The following MAP3K15 variants were observed in gnomAD, a reference collection of about 807,000 sequenced individuals.
MAP3K15 encodes the protein MAPK/ERK kinase kinase 15.
Under a neutral mutation model 99.5 loss-of-function variants are expected in MAP3K15, and 124 were observed. The observed-to-expected ratio is 1.25, with a 90% CI of 1.08 to 1.45. The LOEUF (loss-of-function observed/expected upper bound fraction) is 1.45, where lower values mean the gene tolerates loss of function less well. Ranked by LOEUF, MAP3K15 falls within the 40% of genes most tolerant of loss-of-function variation. The pLI is 0.00. For synonymous variants in MAP3K15, 494 were observed against 439.6 expected, an observed-to-expected ratio of 1.12 and a Z score of -1.55; for missense variants, 1,242 against 1,079.7, an observed-to-expected ratio of 1.15 and a Z score of -2.11.
At chrX:19,424,779 TG>T (rs2063817068) in intron 9 of MAP3K15, among the ~76,000 whole-genome samples, 1 of 109,629 alleles carries the variant, frequency 9.1e-6, no homozygotes, top group African/African-American at 3.3e-5. Context: ...CCCGAGTAGC[TG>T]GGACCACAGG....
chrX:19,399,649 G>A (rs905156080), intron 14 of MAP3K15, among the ~76,000 whole-genome samples: 2 of 104,066 alleles, frequency 1.9e-5, no homozygotes, highest in Admixed American at 2.2e-4. Flanking sequence ...CAGGAGAATC[G>A]CTTGAACCCA....
intron 3 of MAP3K15, among the ~76,000 whole-genome samples, chrX:19,471,398 G>A (rs947193430): frequency 1.8e-5 from 2 of 110,238 alleles, no homozygotes; most frequent in African/African-American, 6.6e-5. Context: ...CTGTGTAGCT[G>A]GGATTAAGGC....
chrX:19,439,737 A>G (rs1285916501), intron 6 of MAP3K15, among the ~76,000 whole-genome samples: 1 of 112,168 alleles, frequency 8.9e-6, no homozygotes, highest in East Asian at 2.8e-4. Flanking sequence ...CCAAAGTACT[A>G]GGATTACAGG....
chrX:19,465,815 A>C lies in MAP3K15; in HGVS notation c.526-1409T>G, dbSNP rs185231556. Among the ~76,000 whole-genome samples, 478 of 85,485 alleles carry C rather than the reference A, an allele frequency of 5.6e-3. 8 individuals carry two copies. The highest frequency in any genetic ancestry group is 0.022 in the African/African-American group (455 of 21,139). The allele number at this position is 85,485 out of a possible 115,157, so 74.2% of individuals were successfully genotyped here. A position where few individuals can be genotyped will look rare whatever the true frequency, so the allele number is the denominator to read the frequency against. ...AGTGTTGTAAGTAGAAAGGGTAAAAATTCAGGTGTGTAGGGGTGTGTGTGT... is the reference window on the plus strand; with the variant it reads ...AGTGTTGTAAGTAGAAAGGGTAAAACTTCAGGTGTGTAGGGGTGTGTGTGT... On this transcript the variant is annotated intron_variant, in intron 3 of 28. Transcript: ENST00000338883.
intron 1 of MAP3K15, among the ~76,000 whole-genome samples, chrX:19,493,868 G>A (rs113160110): frequency 4.4e-4 from 49 of 111,243 alleles, no homozygotes; most frequent in African/African-American, 1.6e-3. Flanking sequence ...TGTGTTCCCC[G>A]ATGCCCTCAT....
Position 19,515,289 on chromosome X carries a change from G to A in MAP3K15, c.-28C>T. On this transcript the variant is annotated 5_prime_UTR_variant, in exon 1 of 29. Transcript: ENST00000338883. Reference sequence around the variant, plus strand: ...GCCCGCCTGCGCGCCCTTCCCCTGGGCGAGTGGCCAGCGGCTGCGATCCGC... The same window carrying A: ...GCCCGCCTGCGCGCCCTTCCCCTGGACGAGTGGCCAGCGGCTGCGATCCGC... 1.2e-6 allele frequency: 1 copy of A among 863,799 alleles called. No homozygotes were observed. The highest frequency in any genetic ancestry group is 1.4e-6 in the Non-Finnish European group (1 of 706,107). The allele number at this position is 863,799 out of a possible 1,213,427, so 71.2% of individuals were successfully genotyped here.
intron 1 of MAP3K15, among the ~76,000 whole-genome samples, chrX:19,510,147 A>G (rs888787640): frequency 2.0e-4 from 23 of 112,271 alleles, no homozygotes; most frequent in African/African-American, 7.4e-4. Flanking sequence ...GCCGAATTCT[A>G]CCAGAGGTAC....
At chrX:19,362,676 C>T in intron 26 of MAP3K15, 62 bp downstream of exon 26, 1 of 702,854 alleles carries the variant, frequency 1.4e-6, no homozygotes, top group Non-Finnish European at 2.2e-6. Flanking sequence ...TCAAATGTTT[C>T]TTCAAAGCTA....
chrX:19,484,043 A>G (rs1273126557), intron 3 of MAP3K15, among the ~76,000 whole-genome samples: 1 of 111,502 alleles, frequency 9.0e-6, no homozygotes, highest in African/African-American at 3.3e-5. Context: ...GACAACCAAT[A>G]CTGGGCACCA....
intron 9 of MAP3K15, among the ~76,000 whole-genome samples, chrX:19,418,188 C>A (rs757497250): frequency 8.9e-6 from 1 of 111,888 alleles, no homozygotes; most frequent in Non-Finnish European, 1.9e-5. Flanking sequence ...CAAAGCTGGA[C>A]GGAGAATGAC....
At chrX:19,406,031 C>T (rs1184979774) in intron 13 of MAP3K15, among the ~76,000 whole-genome samples, 4 of 111,640 alleles carry the variant, frequency 3.6e-5, no homozygotes, top group African/African-American at 1.3e-4. Context: ...CAGGAAAATG[C>T]GAATCAAAAC....
At chrX:19,416,512 G>C (rs777755121) in intron 9 of MAP3K15, among the ~76,000 whole-genome samples, 3 of 111,741 alleles carry the variant, frequency 2.7e-5, no homozygotes, top group African/African-American at 9.8e-5. Context: ...GGGACCCATA[G>C]AGAGTGCCAC....
intron 18 of MAP3K15, among the ~76,000 whole-genome samples, chrX:19,390,310 T>C (rs1289091492): frequency 5.0e-4 from 45 of 89,312 alleles, no homozygotes; most frequent in African/African-American, 1.5e-3. Context: ...TTTCTTTTTT[T>C]TTTTTTTTTT....
intron 3 of MAP3K15, among the ~76,000 whole-genome samples, chrX:19,476,572 A>T (rs1237316188): frequency 1.8e-5 from 2 of 112,364 alleles, no homozygotes; most frequent in Non-Finnish European, 3.8e-5. Context: ...ATACATATAT[A>T]CATTGTCCAG....
chrX:19,507,253 T>C (rs1160826984), intron 1 of MAP3K15, among the ~76,000 whole-genome samples: 8 of 111,498 alleles, frequency 7.2e-5, no homozygotes, highest in Admixed American at 1.9e-4. Context: ...GTGTATTCAA[T>C]TACAGCATCC....
intron 11 of MAP3K15, among the ~76,000 whole-genome samples, chrX:19,411,183 CA>C (rs1227589192): frequency 0.013 from 1,167 of 88,971 alleles, 6 homozygotes; most frequent in African/African-American, 0.015. Context: ...GACCCTGCCT[CA>C]AAAAAAAAAA....
At chrX:19,413,033 C>CA (rs2063701277) in intron 11 of MAP3K15, among the ~76,000 whole-genome samples, 1 of 109,859 alleles carries the variant, frequency 9.1e-6, no homozygotes, top group Non-Finnish European at 1.9e-5. Flanking sequence ...AAACAACACA[C>CA]CAGCCTGTAT....
chrX:19,395,014 G>A, intron 16 of MAP3K15, 67 bp downstream of exon 16: 13 of 1,139,448 alleles, frequency 1.1e-5, no homozygotes, highest in Non-Finnish European at 1.5e-5. Flanking sequence ...TAAATGGCAG[G>A]ACAACAAATG....
chrX:19,481,520 T>C (rs756343822), intron 3 of MAP3K15, among the ~76,000 whole-genome samples: 2 of 111,719 alleles, frequency 1.8e-5, no homozygotes, highest in African/African-American at 3.3e-5. Context: ...AAAGAAATAA[T>C]TGATAAAACC....
Sources: gnomAD v4.1 joint callset for allele counts (sites outside exome capture counted in the v4.1 genomes callset) on GRCh38, gnomAD v4.1.1 for gene constraint, MANE v1.5 for transcripts, NCBI Gene and HGNC (gene_info 2026-07-23, HGNC 2026-07-21) for gene names.